MSTO1: variants seen among roughly 807,000 people sequenced by gnomAD.
MSTO1 encodes the protein misato mitochondrial distribution and morphology regulator 1.
Under a neutral mutation model 55.7 loss-of-function variants are expected in MSTO1, and 24 were observed. The ratio of observed to expected loss-of-function variants is 0.43; its 90% CI spans 0.31 to 0.61. MSTO1 has a LOEUF of 0.61. Ranked by LOEUF, MSTO1 falls within the 20% of genes least tolerant of loss-of-function variation. The pLI is 0.09. For synonymous variants in MSTO1, 162 were observed against 252.8 expected, an observed-to-expected ratio of 0.64 and a Z score of 3.41; for missense variants, 363 against 625.7, an observed-to-expected ratio of 0.58 and a Z score of 4.48.
the MSTO1 span, among the ~76,000 whole-genome samples, chr1:155,593,478 A>C: frequency 1.3e-5 from 2 of 152,074 alleles, no homozygotes; most frequent in South Asian, 2.1e-4. Flanking sequence ...CCATCTACTA[A>C]CTCTGTGACC....
chr1:155,567,495 G>A, the MSTO1 span, among the ~76,000 whole-genome samples: 6 of 151,240 alleles, frequency 4.0e-5, no homozygotes, highest in East Asian at 2.0e-4. Flanking sequence ...TGTATTTTTA[G>A]TAGAGACGGG....
the MSTO1 span, chr1:155,591,240 A>T: frequency 1.2e-6 from 2 of 1,608,928 alleles, no homozygotes; most frequent in Non-Finnish European, 1.7e-6. Flanking sequence ...GACTCCCAGG[A>T]TCTGCATTCT....
At chr1:155,573,612 C>T in the MSTO1 span, among the ~76,000 whole-genome samples, 1 of 151,596 alleles carries the variant, frequency 6.6e-6, no homozygotes, top group Non-Finnish European at 1.5e-5. Flanking sequence ...GTGAAACTGG[C>T]TGATCACCTA....
At chr1:155,573,840 C>CA in the MSTO1 span, among the ~76,000 whole-genome samples, 35,302 of 88,764 alleles carry the variant, frequency 0.4, 5,370 homozygotes, top group East Asian at 0.72. Flanking sequence ...CTCCATCTCA[C>CA]AAAAAAAAAA....
chr1:155,612,858 C>T lies in MSTO1; in HGVS notation c.981C>T (p.Phe327=). ...PYLHYDATLP[F]HCSAILATAL... is the part of the protein sequence containing the mutation. ...TCTTCTTACAGGCCACTCTGCCCTT[C>T]CACTGCAGTGCCATCCTGGCTACAG... The change falls in exon 10 of 14, where the codon TTC becomes TTT. Residue 327 remains phenylalanine, a synonymous_variant. Transcript: ENST00000245564. 6.2e-7 allele frequency: 1 copy of T among 1,613,932 alleles called. No individual in the cohort carries two copies.
chr1:155,581,444 G>A, the MSTO1 span, among the ~76,000 whole-genome samples: 1 of 151,860 alleles, frequency 6.6e-6, no homozygotes, highest in Non-Finnish European at 1.5e-5. Context: ...TCACTCTGTC[G>A]ACCAGGCTGG....
chr1:155,590,859 G>A, the MSTO1 span: 31 of 1,610,408 alleles, frequency 1.9e-5, no homozygotes, highest in African/African-American at 2.7e-5. Context: ...TCCAGCAAAC[G>A]GGGATTAGTG....
upstream of MSTO1, among the ~76,000 whole-genome samples, chr1:155,608,858 CTT>C (rs151107817): frequency 0.022 from 3,189 of 146,204 alleles, 49 homozygotes; most frequent in African/African-American, 0.056. Flanking sequence ...GAGTTTTGCT[CTT>C]GTTTCCCAGG....
At chr1:155,565,400 G>A in the MSTO1 span, among the ~76,000 whole-genome samples, 1 of 152,080 alleles carries the variant, frequency 6.6e-6, no homozygotes, top group East Asian at 1.9e-4. Context: ...ACTGTGCCAG[G>A]GGAACACGTA....
At chr1:155,570,186 T>C in the MSTO1 span, among the ~76,000 whole-genome samples, 23 of 152,222 alleles carry the variant, frequency 1.5e-4, no homozygotes, top group African/African-American at 5.3e-4. Context: ...TACACTAACA[T>C]GCCTTTTTTG....
rs1475082174 is a variant in MSTO1, at chr1:155,612,230, G to A, written c.727G>A (p.Ala243Thr). 1.0e-5 allele frequency: 16 copies of A among 1,606,442 alleles called. No individual in the cohort carries two copies. Among genetic ancestry groups the A allele is most frequent in the Admixed American group, 1.7e-5 (1 of 59,060 alleles). The change falls in exon 8 of 14, where the codon GCG becomes ACG. Residue 243 changes from alanine (A) to threonine (T), a missense_variant. Coordinates refer to ENST00000245564, the MANE Select transcript of MSTO1 (RefSeq NM_018116.4). ...DLHDGFSGVG[A>T]KAAELLQDEY... is the part of the protein sequence containing the mutation. ...GCACGATGGCTTCTCTGGGGTAGGCGCGAAGGCGGCAGAGCTGCTACAAGA... is the reference window on the plus strand; with the variant it reads ...GCACGATGGCTTCTCTGGGGTAGGCACGAAGGCGGCAGAGCTGCTACAAGA...
At chr1:155,580,627 A>C in the MSTO1 span, among the ~76,000 whole-genome samples, 1 of 152,068 alleles carries the variant, frequency 6.6e-6, no homozygotes, top group African/African-American at 2.4e-5. Flanking sequence ...TGTTTAAAGA[A>C]AGATAATTTG....
chr1:155,595,414 G>A, the MSTO1 span, among the ~76,000 whole-genome samples: 4 of 151,690 alleles, frequency 2.6e-5, no homozygotes, highest in East Asian at 1.9e-4. Flanking sequence ...TCCTGACCTC[G>A]TGATCTGCGT....
chr1:155,611,491 G>A (rs754214612), intron 4 of MSTO1, 58 bp from the exon 5 acceptor site: 37 of 1,613,734 alleles, frequency 2.3e-5, no homozygotes, highest in Non-Finnish European at 3.0e-5. Context: ...GGAGGACGAA[G>A]CAACCTTTGC....
At chr1:155,595,970 G>C in the MSTO1 span, among the ~76,000 whole-genome samples, 1 of 152,118 alleles carries the variant, frequency 6.6e-6, no homozygotes, top group Non-Finnish European at 1.5e-5. Context: ...TATTAGACTG[G>C]ATATTAATTT....
At chr1:155,592,616 C>A in the MSTO1 span, among the ~76,000 whole-genome samples, 4 of 151,760 alleles carry the variant, frequency 2.6e-5, no homozygotes, top group Non-Finnish European at 5.9e-5. Context: ...TGCGGTGGCA[C>A]AATCTCGGCT....
the MSTO1 span, among the ~76,000 whole-genome samples, chr1:155,595,912 G>T: frequency 6.6e-6 from 1 of 152,136 alleles, no homozygotes; most frequent in Admixed American, 6.6e-5. Flanking sequence ...GTCTGCAGAA[G>T]CCAGGATTCC....
chr1:155,600,010 C>G, the MSTO1 span, among the ~76,000 whole-genome samples: 4 of 152,202 alleles, frequency 2.6e-5, no homozygotes, highest in Non-Finnish European at 4.4e-5. Flanking sequence ...GGGGAGGAGA[C>G]AGATGCCTTC....
the MSTO1 span, among the ~76,000 whole-genome samples, chr1:155,567,871 C>T: frequency 2.0e-5 from 3 of 151,180 alleles, no homozygotes; most frequent in Non-Finnish European, 4.4e-5. Context: ...CCCGTCTCAA[C>T]TAAAAATACA....
Sources: allele counts gnomAD v4.1 joint callset (sites outside exome capture counted in the v4.1 genomes callset), GRCh38; gene constraint gnomAD v4.1.1; transcripts MANE v1.5; gene names NCBI Gene and HGNC (gene_info 2026-07-23, HGNC 2026-07-21).